ABCA13: variants seen among roughly 807,000 people sequenced by gnomAD.
ABCA13 encodes ATP-binding cassette sub-family A member 13.
In ABCA13, 476 loss-of-function variants were observed where a neutral mutation model predicts 478.7. That is an observed-to-expected ratio of 0.99 (90% CI 0.92 to 1.07). The LOEUF (loss-of-function observed/expected upper bound fraction) is 1.07, where lower values mean the gene tolerates loss of function less well. Among genes scored for constraint, ABCA13 ranks in the 50% least tolerant of loss-of-function variants. The pLI, the probability that ABCA13 is intolerant of heterozygous loss-of-function variation, is 0.00. For missense variants in ABCA13, 6,060 were observed against 5,910.6 expected, an observed-to-expected ratio of 1.03 and a Z score of -0.83; for synonymous variants, 2,252 against 2,158.9, an observed-to-expected ratio of 1.04 and a Z score of -1.20.
In ABCA13 at chr7:48,198,332, T is replaced by C; in HGVS notation, c.259T>C (p.Tyr87His). 1 of 1,613,880 alleles carries C rather than the reference T, an allele frequency of 6.2e-7. No homozygotes were observed. Among genetic ancestry groups the C allele is most frequent in the Non-Finnish European group, 8.5e-7 (1 of 1,179,840 alleles). The change falls in exon 3 of 62, where the codon TAT becomes CAT. Residue 87 changes from tyrosine to histidine, a missense_variant. Coordinates refer to ENST00000435803, the MANE Select transcript of ABCA13 (RefSeq NM_152701.5). ...NTGSRCRNFSYEGSMEHHFRL... is the reference protein window; with the variant it reads ...NTGSRCRNFSHEGSMEHHFRL... ...TGGATCAAGGTGTAGGAACTTCAGC[T>C]ATGAAGGGTCAATGGAGCATCATTT...
intron 26 of ABCA13, among the ~76,000 whole-genome samples, chr7:48,315,710 C>T (rs1464635618): frequency 6.6e-6 from 1 of 152,132 alleles, no homozygotes; most frequent in Non-Finnish European, 1.5e-5. Context: ...GATCTCCTGA[C>T]CTCGTGATCT....
chr7:48,418,303 G>A (rs1001778364), intron 41 of ABCA13, among the ~76,000 whole-genome samples: 9 of 152,180 alleles, frequency 5.9e-5, no homozygotes, highest in African/African-American at 2.2e-4. Flanking sequence ...GTTTCCACCA[G>A]CAATGAATGG....
intron 27 of ABCA13, among the ~76,000 whole-genome samples, chr7:48,329,689 TC>T (rs1456540834): frequency 6.6e-6 from 1 of 151,226 alleles, no homozygotes; most frequent in Non-Finnish European, 1.5e-5. Flanking sequence ...ATCCATAAAA[TC>T]ATTCATTTAT....
At chr7:48,206,284 G>C (rs748646063) in intron 3 of ABCA13, among the ~76,000 whole-genome samples, 1 of 152,154 alleles carries the variant, frequency 6.6e-6, no homozygotes, top group Non-Finnish European at 1.5e-5. Context: ...TATCTTAACT[G>C]TACTTTATAA....
intron 5 of ABCA13, among the ~76,000 whole-genome samples, chr7:48,226,896 A>G (rs765378900): frequency 2.6e-5 from 4 of 152,156 alleles, no homozygotes; most frequent in Non-Finnish European, 5.9e-5. Context: ...TATCATTTAC[A>G]TGTAAAGAAT....
intron 41 of ABCA13, among the ~76,000 whole-genome samples, chr7:48,419,325 G>A (rs1473970409): frequency 6.6e-6 from 1 of 152,106 alleles, no homozygotes; most frequent in Non-Finnish European, 1.5e-5. Context: ...ATTTGTATTT[G>A]TACTTTACCC....
chr7:48,184,962 A>G (rs982832723), intron 1 of ABCA13, among the ~76,000 whole-genome samples: 18 of 152,134 alleles, frequency 1.2e-4, no homozygotes, highest in African/African-American at 3.9e-4. Context: ...CAGCCCCCCA[A>G]GTAGCTGGGA....
chr7:48,348,500 T>C (rs1045493849), intron 29 of ABCA13, among the ~76,000 whole-genome samples: 2 of 152,246 alleles, frequency 1.3e-5, no homozygotes, highest in South Asian at 2.1e-4. Flanking sequence ...TATTTTCTTC[T>C]CACTGATTTT....
chr7:48,558,672 T>A (rs925515164), intron 55 of ABCA13, among the ~76,000 whole-genome samples: 1 of 150,340 alleles, frequency 6.7e-6, no homozygotes, highest in Non-Finnish European at 1.5e-5. Flanking sequence ...TAAATTTATC[T>A]GATAGAATTC....
intron 15 of ABCA13, among the ~76,000 whole-genome samples, chr7:48,267,586 T>A (rs942372909): frequency 1.3e-5 from 2 of 152,164 alleles, no homozygotes; most frequent in African/African-American, 4.8e-5. Flanking sequence ...TTTGCCTTTT[T>A]TTGAGCATGT....
chr7:48,565,303 A>G (rs750037477), intron 55 of ABCA13, among the ~76,000 whole-genome samples: 1 of 151,224 alleles, frequency 6.6e-6, no homozygotes, highest in Admixed American at 6.6e-5. Flanking sequence ...TGAAAATATA[A>G]TTGTGTGTTA....
intron 59 of ABCA13, among the ~76,000 whole-genome samples, chr7:48,630,503 T>C (rs1445864625): frequency 6.6e-6 from 1 of 152,246 alleles, no homozygotes; most frequent in Non-Finnish European, 1.5e-5. Flanking sequence ...TGTTCTTTTT[T>C]ACGACTGCAC....
Position 48,535,322 on chromosome 7 carries a change from G to A in ABCA13, c.14354+6977G>A, listed in dbSNP as rs572912254. ...AGCAGAGCTACCAGGCTCCAGGATG[G>A]TATTGGGGAGTGTCTGCAAAGAGTC... On this transcript the variant is annotated intron_variant, in intron 55 of 61. Transcript: ENST00000435803. 5.9e-5 allele frequency among the ~76,000 whole-genome samples: 9 copies of A among 152,278 alleles called. No homozygotes were observed. In the South Asian group the frequency reaches 1.2e-3, roughly 21 times the overall value.
intron 47 of ABCA13, among the ~76,000 whole-genome samples, chr7:48,485,665 C>A (rs750257038): frequency 1.2e-3 from 185 of 152,098 alleles, no homozygotes; most frequent in African/African-American, 4.4e-3. Context: ...CATTTATTGC[C>A]AAAATGATGC....
intron 35 of ABCA13, among the ~76,000 whole-genome samples, chr7:48,378,184 G>C (rs1813799651): frequency 6.6e-6 from 1 of 152,194 alleles, no homozygotes; most frequent in African/African-American, 2.4e-5. Context: ...TTGAAGGGAA[G>C]AAAAGGGAAT....
Position 48,271,812 on chromosome 7 carries a change from C to G in ABCA13, c.2146C>G (p.Leu716Val). ...GGCTTTAAATTTCACAAAGCACCTTCTAATGATGGAAAAGAAGTTGCACAC... is the reference window on the plus strand; with the variant it reads ...GGCTTTAAATTTCACAAAGCACCTTGTAATGATGGAAAAGAAGTTGCACAC... ...SRALNFTKHLLMMEKKLHTLE... is the reference protein window; with the variant it reads ...SRALNFTKHLVMMEKKLHTLE... The change falls in exon 17 of 62, where the codon CTA becomes GTA. Residue 716 changes from leucine (L) to valine (V), a missense_variant. By Grantham distance (32) the Leu-to-Val change is conservative (BLOSUM62 1). Transcript: ENST00000435803. The G allele has an allele frequency of 6.5e-7, 1 of 1,537,672 alleles. No individual in the cohort carries two copies. Among genetic ancestry groups the G allele is most frequent in the East Asian group, 2.4e-5 (1 of 41,222 alleles).
intron 16 of ABCA13, among the ~76,000 whole-genome samples, chr7:48,270,923 A>T (rs1429025167): frequency 6.6e-6 from 1 of 152,212 alleles, no homozygotes; most frequent in Non-Finnish European, 1.5e-5. Context: ...CAACTCATTC[A>T]GCAAAGATTT....
In ABCA13 at chr7:48,524,445, T is replaced by C; in HGVS notation, c.14244+5T>C. 1 of 1,598,550 alleles carries C rather than the reference T, an allele frequency of 6.3e-7. No individual in the cohort carries two copies. Among genetic ancestry groups the C allele is most frequent in the Non-Finnish European group, 8.5e-7 (1 of 1,175,186 alleles). ...TTGGGCATACCAAAAGGAGAGGTAA[T>C]GAAGCTTCTATTTTTAATCTTCTTC... On this transcript the variant is annotated splice_donor_5th_base_variant and intron_variant, in intron 54 of 61. Transcript: ENST00000435803.
chr7:48,349,724 G>A (rs1023763493), intron 29 of ABCA13, among the ~76,000 whole-genome samples: 1 of 152,190 alleles, frequency 6.6e-6, no homozygotes, highest in African/African-American at 2.4e-5. Context: ...CATGTCCGGG[G>A]ACAAATGCCC....
Sources: gnomAD v4.1 joint callset for allele counts (sites outside exome capture counted in the v4.1 genomes callset) on GRCh38, gnomAD v4.1.1 for gene constraint, MANE v1.5 for transcripts, NCBI Gene and HGNC (gene_info 2026-07-23, HGNC 2026-07-21) for gene names.